The following PPFIA1 variants were observed in gnomAD, a reference collection of about 807,000 sequenced individuals.
PPFIA1 encodes liprin-alpha-1.
Under a neutral mutation model 149.9 loss-of-function variants are expected in PPFIA1, and 25 were observed. The observed-to-expected ratio is 0.17, with a 90% CI of 0.12 to 0.23. The LOEUF (loss-of-function observed/expected upper bound fraction) is 0.23, where lower values mean the gene tolerates loss of function less well. Ranked by LOEUF, PPFIA1 falls within the 10% of genes least tolerant of loss-of-function variation. The probability of loss-of-function intolerance (pLI) is 1.00; values close to 1 mark genes in which losing one functional copy is unlikely to be tolerated. For missense variants in PPFIA1, 1,362 were observed against 1,506.5 expected (o/e 0.90, Z 1.59); for synonymous variants, 549 against 552.8 (o/e 0.99, Z 0.10).
chr11:70,308,361 G>C (rs1385889674), intron 2 of PPFIA1, among the ~76,000 whole-genome samples: 1 of 152,218 alleles, frequency 6.6e-6, no homozygotes, highest in Non-Finnish European at 1.5e-5. Flanking sequence ...GATGGCTTTA[G>C]ACTGTCAAGT....
chr11:70,377,977 C>A, intron 25 of PPFIA1, 53 bp from the exon 26 acceptor site: 1 of 1,413,066 alleles, frequency 7.1e-7, no homozygotes. Context: ...AACTTTACAT[C>A]TCTGACCTTT....
intron 2 of PPFIA1, among the ~76,000 whole-genome samples, chr11:70,299,705 C>T (rs982357056): frequency 5.3e-5 from 8 of 152,132 alleles, no homozygotes; most frequent in Non-Finnish European, 1.2e-4. Context: ...CCAAGCTTCG[C>T]TCTTGGCCCC....
chr11:70,288,606 C>T (rs985911587), intron 2 of PPFIA1, among the ~76,000 whole-genome samples: 4 of 152,090 alleles, frequency 2.6e-5, no homozygotes, highest in African/African-American at 9.7e-5. Context: ...GCTGTCCGTC[C>T]GTGTACAGTG....
intron 2 of PPFIA1, among the ~76,000 whole-genome samples, chr11:70,304,899 A>G (rs1156564552): frequency 2.6e-5 from 4 of 152,152 alleles, no homozygotes; most frequent in Non-Finnish European, 5.9e-5. Flanking sequence ...TCATTTTACT[A>G]GAGAAGTGGG....
In PPFIA1 at chr11:70,272,370, G is replaced by A; in HGVS notation, c.198G>A (p.Gly66=). 1.2e-6 allele frequency: 2 copies of A among 1,614,188 alleles called. No homozygotes were observed. Among genetic ancestry groups the A allele is most frequent in the Non-Finnish European group, 1.7e-6 (2 of 1,180,024 alleles). The change falls in exon 2 of 28, where the codon GGG becomes GGA. Residue 66 remains glycine, a synonymous_variant. Coordinates refer to ENST00000253925, the MANE Select transcript of PPFIA1 (RefSeq NM_003626.5). ...ETQETLALTQ[G]KLHEVGHERD... ...AAGAAACGCTGGCCTTAACCCAGGG[G>A]AAGTTACACGAGGTTGGTCATGAAA...
Position 70,377,744 on chromosome 11 carries a change from CAAGGTGT to C in PPFIA1, c.3385-282_3385-276del, listed in dbSNP as rs560505772. ...TTACGTTGCAAGAAAGTGATTCCTG[CAAGGTGT>C]AAGAAGTAGAACATGATGCTGTGGA... On this transcript the variant is annotated intron_variant, in intron 25 of 27. Coordinates refer to ENST00000253925, the MANE Select transcript of PPFIA1 (RefSeq NM_003626.5). Among the ~76,000 whole-genome samples the C allele has an allele frequency of 2.7e-3, 414 of 152,210 alleles. 1 individual carries two copies. The highest frequency in any genetic ancestry group is 9.7e-3 in the African/African-American group (403 of 41,520).
chr11:70,313,432 A>G (rs1340476254), intron 2 of PPFIA1, among the ~76,000 whole-genome samples: 1 of 152,208 alleles, frequency 6.6e-6, no homozygotes, highest in Admixed American at 6.5e-5. Flanking sequence ...GAAAACATAG[A>G]GAATGGATCC....
At chr11:70,306,437 T>C (rs2052855969) in intron 2 of PPFIA1, among the ~76,000 whole-genome samples, 1 of 152,196 alleles carries the variant, frequency 6.6e-6, no homozygotes, top group African/African-American at 2.4e-5. Context: ...TAAATTATAA[T>C]TTTTATCATA....
At chr11:70,352,854 C>T (rs2056152764) in intron 16 of PPFIA1, among the ~76,000 whole-genome samples, 1 of 151,648 alleles carries the variant, frequency 6.6e-6, no homozygotes, top group Non-Finnish European at 1.5e-5. Flanking sequence ...AGGAGGGCAG[C>T]GCTGGCCAGG....
intron 21 of PPFIA1, chr11:70,362,879 A>T (rs1280797512): frequency 6.2e-6 from 1 of 162,310 alleles, no homozygotes; most frequent in Admixed American, 5.8e-5. Flanking sequence ...CTCCCACCTC[A>T]GCCTTCCAAT....
intron 2 of PPFIA1, chr11:70,284,120 C>T (rs764060252): frequency 2.2e-6 from 1 of 446,758 alleles, no homozygotes; most frequent in African/African-American, 2.1e-5. Flanking sequence ...CTAAGCTTAA[C>T]TTTAGTGAAC....
chr11:70,307,235 T>A (rs2052911561), intron 2 of PPFIA1, among the ~76,000 whole-genome samples: 1 of 152,222 alleles, frequency 6.6e-6, no homozygotes. Flanking sequence ...CTGGTATAGA[T>A]GCACAGGTAT....
chr11:70,349,751 TTGAC>T (rs372733965), intron 16 of PPFIA1, among the ~76,000 whole-genome samples: 2 of 152,204 alleles, frequency 1.3e-5, no homozygotes, highest in East Asian at 1.9e-4. Flanking sequence ...TTTAAACTCT[TTGAC>T]TGTTTTATTT....
chr11:70,298,238 A>G (rs1157446371), intron 2 of PPFIA1, among the ~76,000 whole-genome samples: 1 of 152,208 alleles, frequency 6.6e-6, no homozygotes, highest in African/African-American at 2.4e-5. Context: ...TAAACAAGAA[A>G]TATTGCCTTT....
At chr11:70,292,896 G>A (rs1349248706) in intron 2 of PPFIA1, among the ~76,000 whole-genome samples, 1 of 152,200 alleles carries the variant, frequency 6.6e-6, no homozygotes, top group East Asian at 1.9e-4. Flanking sequence ...TTACTGGAGT[G>A]CACACACTTA....
chr11:70,355,605 G>T (rs1314673054), intron 17 of PPFIA1, 34 bp from the exon 18 acceptor site: 1 of 1,567,242 alleles, frequency 6.4e-7, no homozygotes, highest in Non-Finnish European at 8.6e-7. Flanking sequence ...TCCTACAAGG[G>T]CACATAGTAA....
At chr11:70,288,263 G>T (rs940549280) in intron 2 of PPFIA1, among the ~76,000 whole-genome samples, 1 of 151,904 alleles carries the variant, frequency 6.6e-6, no homozygotes, top group African/African-American at 2.4e-5. Flanking sequence ...GTAGAGATGG[G>T]GTTTCACCAT....
rs753461224 is a variant in PPFIA1 at position 70,362,273 on chromosome 11, G to T, written c.2665-15G>T. 1.2e-6 allele frequency: 2 copies of T among 1,613,888 alleles called. No homozygotes were observed. Among genetic ancestry groups the T allele is most frequent in the African/African-American group, 2.7e-5 (2 of 75,032 alleles). ...TACCTCACTGTGCTGCCTTCCTTCC[G>T]CTTTCCGCCTCCAGCTCTGGGTTGG... On this transcript the variant is annotated splice_polypyrimidine_tract_variant and intron_variant, in intron 20 of 27. Transcript: ENST00000253925.
rs375027830 is a variant in PPFIA1 at position 70,312,956 on chromosome 11, G to A, written c.265-11446G>A. 4.2e-4 allele frequency among the ~76,000 whole-genome samples: 64 copies of A among 152,306 alleles called. 1 individual carries two copies. Among genetic ancestry groups the A allele is most frequent in the African/African-American group, 1.5e-3 (62 of 41,556 alleles). ...CCATGCCCACGTGGGAAGTAGAGGA[G>A]GCCTCTGCAGGAAATGGCCTCAAGC... On this transcript the variant is annotated intron_variant, in intron 2 of 27. Transcript: ENST00000253925.
Sources: allele counts gnomAD v4.1 joint callset (sites outside exome capture counted in the v4.1 genomes callset), GRCh38; gene constraint gnomAD v4.1.1; transcripts MANE v1.5; gene names NCBI Gene and HGNC (gene_info 2026-07-23, HGNC 2026-07-21).